The following MYH13 variants were observed in gnomAD, a reference collection of about 807,000 sequenced individuals.
MYH13 encodes myosin-13.
In MYH13, 177 loss-of-function variants were observed where a neutral mutation model predicts 232.1. The ratio of observed to expected loss-of-function variants is 0.76; its 90% confidence interval spans 0.67 to 0.86. The LOEUF (loss-of-function observed/expected upper bound fraction) is 0.86, where lower values mean the gene tolerates loss of function less well. Ranked by LOEUF, MYH13 falls within the 40% of genes least tolerant of loss-of-function variation. The probability of loss-of-function intolerance (pLI) is 0.00; values close to 1 mark genes in which losing one functional copy is unlikely to be tolerated. For missense variants in MYH13, 2,246 were observed against 2,405.9 expected, an observed-to-expected ratio of 0.93 and a Z score of 1.39; for synonymous variants, 884 against 923.5, an observed-to-expected ratio of 0.96 and a Z score of 0.78.
chr17:10,315,548 C>A, intron 29 of MYH13, 145 bp downstream of exon 29: 2 of 691,202 alleles, frequency 2.9e-6, no homozygotes, highest in South Asian at 4.1e-5. Flanking sequence ...TCTGCCTTGG[C>A]CTCCCAAAGT....
At chr17:10,303,124 G>T in intron 39 of MYH13, 72 bp downstream of exon 39, 2 of 1,377,366 alleles carry the variant, frequency 1.5e-6, no homozygotes, top group African/African-American at 1.4e-5. Flanking sequence ...TACCAACCAG[G>T]ATGGCGGGGA....
At chr17:10,303,703 G>A (rs530253058) in intron 37 of MYH13, among the ~76,000 whole-genome samples, 14 of 152,296 alleles carry the variant, frequency 9.2e-5, no homozygotes, top group African/African-American at 2.9e-4. Flanking sequence ...AACCATTGTG[G>A]AAGACAGTGT....
At chr17:10,323,922 T>C in intron 23 of MYH13, 100 bp downstream of exon 23, 1 of 1,468,424 alleles carries the variant, frequency 6.8e-7, no homozygotes. Flanking sequence ...TTCTGGGCAA[T>C]GTTATATTGA....
rs775237063 is a variant in MYH13 at position 10,350,850 on chromosome 17, A to G, written c.1006-156T>C. ...GTGGGGATGTGGTAAATTAGAAACC[A>G]TTTGTTTCACGTGTTTGTGTGGGTG... On this transcript the variant is annotated intron_variant, in intron 11 of 40. Transcript: ENST00000252172. The G allele has an allele frequency of 5.3e-6, 5 of 945,912 alleles. No individual in the cohort carries two copies. In the Admixed American group the frequency reaches 7.7e-5, roughly 15 times the overall value. 58.6% of individuals were successfully genotyped at this position (945,912 alleles called of 1,614,324 possible).
In MYH13 at chr17:10,326,457, T is replaced by TTTTC. The variant is rs549780365; in HGVS notation, c.2691+1405_2691+1408dup. Among the ~76,000 whole-genome samples the TTTTC allele has an allele frequency of 6.5e-4, 99 of 151,308 alleles. 1 individual carries two copies. Among genetic ancestry groups the TTTTC allele is most frequent in the Admixed American group, 5.5e-3 (84 of 15,174 alleles). ...AATTATACTGCCCCATTTCTTTTCTTTTTCTTTCTTTCTTTCTTTTTTCTT... is the reference window on the plus strand; with the variant it reads ...AATTATACTGCCCCATTTCTTTTCTTTTTCTTTCTTTCTTTCTTTCTTTTTTCTT... On this transcript the variant is annotated intron_variant, in intron 22 of 40. Transcript: ENST00000252172.
At chr17:10,350,827 G>A (rs1208616303) in intron 11 of MYH13, 133 bp from the exon 12 acceptor site, 2 of 1,164,286 alleles carry the variant, frequency 1.7e-6, no homozygotes, top group Non-Finnish European at 2.5e-6. Context: ...GATGACAGGT[G>A]GGGATGTGGT....
intron 12 of MYH13, among the ~76,000 whole-genome samples, chr17:10,347,730 T>C (rs1355862544): frequency 6.8e-6 from 1 of 147,076 alleles, no homozygotes; most frequent in Non-Finnish European, 1.5e-5. Flanking sequence ...TTTTTTTTTT[T>C]TTTTTGGAGA....
At chr17:10,321,848 A>G (rs1433814249) in intron 23 of MYH13, 140 bp from the exon 24 acceptor site, 3 of 691,572 alleles carry the variant, frequency 4.3e-6, no homozygotes, top group Admixed American at 6.1e-5. Context: ...TAGAATTGAC[A>G]GACTCTCAGT....
chr17:10,322,087 T>C (rs1413773153), intron 23 of MYH13, among the ~76,000 whole-genome samples: 1 of 152,094 alleles, frequency 6.6e-6, no homozygotes, highest in Non-Finnish European at 1.5e-5. Context: ...AGGAGAGGCG[T>C]GAGGTCCTAC....
chr17:10,358,998 T>C (rs1281750460), intron 7 of MYH13, among the ~76,000 whole-genome samples: 2 of 152,214 alleles, frequency 1.3e-5, no homozygotes, highest in Non-Finnish European at 2.9e-5. Flanking sequence ...TCCATTCTGG[T>C]GGAACCACTT....
At chr17:10,303,964 C>T (rs1327746463) in intron 37 of MYH13, among the ~76,000 whole-genome samples, 1 of 152,106 alleles carries the variant, frequency 6.6e-6, no homozygotes, top group South Asian at 2.1e-4. Flanking sequence ...AGTTCATGTC[C>T]TTTTCAGGGA....
intron 2 of MYH13, among the ~76,000 whole-genome samples, chr17:10,367,671 T>A (rs937759073): frequency 6.6e-6 from 1 of 152,158 alleles, no homozygotes; most frequent in Non-Finnish European, 1.5e-5. Context: ...TTAATAAAAA[T>A]TACCATATTT....
intron 2 of MYH13, 147 bp downstream of exon 2, chr17:10,371,062 A>T (rs992261208): frequency 1.3e-5 from 2 of 152,228 alleles, no homozygotes; most frequent in Admixed American, 6.5e-5. Flanking sequence ...TATATATTTT[A>T]AAATCTACCT....
In MYH13 at chr17:10,332,174, G is replaced by A. The variant is rs992332593; in HGVS notation, c.2223C>T (p.Asp741=). 1.3e-5 allele frequency: 21 copies of A among 1,614,006 alleles called. No individual in the cohort carries two copies. Among genetic ancestry groups the A allele is most frequent in the Non-Finnish European group, 1.7e-5 (20 of 1,179,882 alleles). ...GGAGCTTCTCTGAGGCATTTTTGCT[G>A]TCAATGAACTGCCCTTCAGGGATAG... ...ASAIPEGQFI[D]SKNASEKLLN... Residue 741 remains aspartate (D), a synonymous_variant, in exon 20 of 41, where the codon GAC becomes GAT. Coordinates refer to ENST00000252172, the MANE Select transcript of MYH13 (RefSeq NM_003802.3).
chr17:10,356,795 C>T (rs2071752601), intron 8 of MYH13, among the ~76,000 whole-genome samples: 1 of 152,182 alleles, frequency 6.6e-6, no homozygotes, highest in South Asian at 2.1e-4. Context: ...CAAATGATGG[C>T]TTTGCCTCTG....
rs544007855 is a variant in MYH13, at chr17:10,370,792, C to T, written c.-13+417G>A. On this transcript the variant is annotated intron_variant, in intron 2 of 40. Transcript: ENST00000252172. ...TTACCGCACCGGGCATAGGATTGAA[C>T]GGATCCCTCCCCATTCCTTCAGTAT... Among the ~76,000 whole-genome samples, 60 of 152,266 alleles carry T rather than the reference C, an allele frequency of 3.9e-4. No individual in the cohort carries two copies. In the South Asian group the frequency reaches 9.3e-3, roughly 24 times the overall value.
intron 37 of MYH13, among the ~76,000 whole-genome samples, chr17:10,305,376 T>C (rs58462723): frequency 0.021 from 3,210 of 152,292 alleles, 140 homozygotes; most frequent in African/African-American, 0.074. Context: ...TTAAAGAATT[T>C]TGGGGGAAGT....
Position 10,319,508 on chromosome 17 carries a change from C to CA in MYH13, c.3349-330dup, listed in dbSNP as rs757587723. Among the ~76,000 whole-genome samples, 456 of 61,522 alleles carry CA rather than the reference C, an allele frequency of 7.4e-3. 4 individuals carry two copies. Among genetic ancestry groups the CA allele is most frequent in the African/African-American group, 0.024 (401 of 16,472 alleles). 40.4% of individuals were successfully genotyped at this position (61,522 alleles called of 152,430 possible). On this transcript the variant is annotated intron_variant, in intron 26 of 40. Coordinates refer to ENST00000252172, the MANE Select transcript of MYH13 (RefSeq NM_003802.3). The stretch of plus-strand genomic sequence containing the variant: ...TGGGTGACAGAGCAAGACTCGGTCT[C>CA]AAAAAAAAAAAAGAAGAATACATTA...
At position 10,343,948 on chromosome 17, in the gene MYH13, C is replaced by T; in HGVS notation, c.1746G>A (p.Val582=). ...TGTAGTCCACGGTGCCGGCATAGTGCACCAGCGAGAAGTGAGCCTCAGCCT... is the reference window on the plus strand; with the variant it reads ...TGTAGTCCACGGTGCCGGCATAGTGTACCAGCGAGAAGTGAGCCTCAGCCT... The part of the protein sequence containing the change: ...KGKAEAHFSL[V]HYAGTVDYNI... The change falls in exon 16 of 41, where the codon GTG becomes GTA. Residue 582 remains valine (V), a synonymous_variant. Coordinates refer to ENST00000252172, the MANE Select transcript of MYH13 (RefSeq NM_003802.3). The T allele has an allele frequency of 6.2e-7, 1 of 1,614,220 alleles. No individual in the cohort carries two copies. The highest frequency in any genetic ancestry group is 8.5e-7 in the Non-Finnish European group (1 of 1,180,036).
Sources: gnomAD v4.1 joint callset for allele counts (sites outside exome capture counted in the v4.1 genomes callset) on GRCh38, gnomAD v4.1.1 for gene constraint, MANE v1.5 for transcripts, NCBI Gene and HGNC (gene_info 2026-07-23, HGNC 2026-07-21) for gene names.